Variants in FRMPD3 observed in about 807,000 individuals in gnomAD.
The protein encoded by FRMPD3 is FERM and PDZ domain containing 3.
A neutral mutation model predicts 97.9 loss-of-function variants in FRMPD3; 42 were observed. The observed-to-expected ratio is 0.43, with a 90% CI of 0.34 to 0.55. The LOEUF is 0.55. Ranked by LOEUF, FRMPD3 falls within the 20% of genes least tolerant of loss-of-function variation. The pLI is 0.03. For synonymous variants in FRMPD3, 577 were observed against 581.1 expected (o/e 0.99, Z 0.10); for missense variants, 1,303 against 1,457.7 (o/e 0.89, Z 1.73).
intron 13 of FRMPD3, among the ~76,000 whole-genome samples, chrX:107,595,679 T>C (rs1016602584): frequency 9.0e-6 from 1 of 111,202 alleles, no homozygotes; most frequent in African/African-American, 3.3e-5. Context: ...GGGTCACGCC[T>C]GTAATCCCTG....
intron 1 of FRMPD3, among the ~76,000 whole-genome samples, chrX:107,461,608 C>T (rs1383244772): frequency 9.0e-6 from 1 of 110,865 alleles, no homozygotes; most frequent in Non-Finnish European, 1.9e-5. Flanking sequence ...GATCCTTCAA[C>T]GCTGCTGCCA....
chrX:107,497,340 AAGG>A (rs1446651209), intron 1 of FRMPD3, among the ~76,000 whole-genome samples: 1 of 113,002 alleles, frequency 8.8e-6, no homozygotes, highest in Admixed American at 9.3e-5. Context: ...TTGTCCAAGT[AAGG>A]AGTTTTCATG....
chrX:107,494,929 AC>A (rs769193508), intron 1 of FRMPD3, among the ~76,000 whole-genome samples: 1 of 112,012 alleles, frequency 8.9e-6, no homozygotes, highest in Non-Finnish European at 1.9e-5. Context: ...AAAAGGAAGG[AC>A]TAGGGGGTTG....
At chrX:107,453,185 A>G (rs1449740857) in intron 1 of FRMPD3, among the ~76,000 whole-genome samples, 1 of 111,215 alleles carries the variant, frequency 9.0e-6, no homozygotes, top group Non-Finnish European at 1.9e-5. Context: ...GCCATAAGAC[A>G]CACATACATA....
intron 10 of FRMPD3, among the ~76,000 whole-genome samples, chrX:107,561,149 C>T (rs1922347262): frequency 9.0e-6 from 1 of 110,994 alleles, no homozygotes; most frequent in Non-Finnish European, 1.9e-5. Flanking sequence ...TAGTCAGTGC[C>T]GACTGAGCAT....
At chrX:107,569,740 G>C (rs1178911523) in intron 12 of FRMPD3, among the ~76,000 whole-genome samples, 1 of 112,562 alleles carries the variant, frequency 8.9e-6, no homozygotes, top group African/African-American at 3.2e-5. Context: ...CTGTGGGCTG[G>C]GTGCAGTGGC....
chrX:107,491,419 T>C (rs1921653015), intron 1 of FRMPD3, among the ~76,000 whole-genome samples: 1 of 112,374 alleles, frequency 8.9e-6, no homozygotes, highest in Admixed American at 9.4e-5. Flanking sequence ...ATAGATACTA[T>C]TCTTAGCCCT....
Position 107,459,491 on chromosome X carries a change from C to G in FRMPD3, c.-8+9486C>G, listed in dbSNP as rs1027753759. Among the ~76,000 whole-genome samples, 10 of 112,019 alleles carry G rather than the reference C, an allele frequency of 8.9e-5. No homozygotes were observed. In the South Asian group the frequency reaches 1.1e-3, roughly 13 times the overall value. On this transcript the variant is annotated intron_variant, in intron 1 of 14. Coordinates refer to ENST00000683843, the MANE Select transcript of FRMPD3 (RefSeq NM_001388459.1). ...GATGGGAGAGTCATGGCCAGGGCCT[C>G]TGCCTGCTAAATTGCCTCCCCCACC...
At chrX:107,477,872 C>T (rs1270187357) in intron 1 of FRMPD3, among the ~76,000 whole-genome samples, 2 of 111,457 alleles carry the variant, frequency 1.8e-5, no homozygotes, top group Non-Finnish European at 3.8e-5. Flanking sequence ...TTGCCCTCCA[C>T]CCCCTATTAT....
intron 12 of FRMPD3, among the ~76,000 whole-genome samples, chrX:107,566,019 C>G (rs1922588300): frequency 8.9e-6 from 1 of 112,544 alleles, no homozygotes; most frequent in Non-Finnish European, 1.9e-5. Flanking sequence ...TATTTCACCT[C>G]CCAGAGTCCA....
At chrX:107,557,834 TATATATAG>T (rs1461816132) in intron 8 of FRMPD3, among the ~76,000 whole-genome samples, 8 of 80,747 alleles carry the variant, frequency 9.9e-5, no homozygotes, top group East Asian at 4.0e-4. Context: ...TATATATATA[TATATATAG>T]ATCTATTCCT....
chrX:107,524,995 C>CAA (rs750900204), intron 1 of FRMPD3, among the ~76,000 whole-genome samples: 1,975 of 13,687 alleles, frequency 0.14, 517 homozygotes, highest in African/African-American at 0.29. Context: ...GACTCCATCT[C>CAA]AAAAAAAAAA....
At chrX:107,518,778 A>G (rs763356367) in intron 1 of FRMPD3, among the ~76,000 whole-genome samples, 141 of 112,319 alleles carry the variant, frequency 1.3e-3, no homozygotes, top group African/African-American at 4.3e-3. Flanking sequence ...AGATATTTGT[A>G]CACCCGTGTT....
chrX:107,467,977 T>C (rs1400365981), intron 1 of FRMPD3, among the ~76,000 whole-genome samples: 1 of 111,855 alleles, frequency 8.9e-6, no homozygotes, highest in Non-Finnish European at 1.9e-5. Flanking sequence ...GCTTCTCCAC[T>C]ACAAAGACTC....
intron 4 of FRMPD3, among the ~76,000 whole-genome samples, chrX:107,542,034 G>A (rs1921335338): frequency 8.9e-6 from 1 of 112,887 alleles, no homozygotes; most frequent in South Asian, 3.6e-4. Flanking sequence ...GCAGAGAAGA[G>A]AGGTGACTGT....
intron 7 of FRMPD3, 74 bp downstream of exon 7, chrX:107,553,000 G>A (rs1921929859): frequency 1.2e-5 from 13 of 1,043,074 alleles, no homozygotes; most frequent in Non-Finnish European, 1.5e-5. Flanking sequence ...TCCCTGTCTG[G>A]AAAATTTATA....
Position 107,576,508 on chromosome X carries a change from C to T in FRMPD3, c.1441+49C>T, listed in dbSNP as rs754460669. On this transcript the variant is annotated intron_variant, in intron 13 of 14. Coordinates refer to ENST00000683843, the MANE Select transcript of FRMPD3 (RefSeq NM_001388459.1). ...TTTGCTGTGCCAGAGGCCCTTTGGACCCTGAAGACATGGAGGGAAGAGCTT... is the reference window on the plus strand; with the variant it reads ...TTTGCTGTGCCAGAGGCCCTTTGGATCCTGAAGACATGGAGGGAAGAGCTT... 3 of 1,170,674 alleles carry T rather than the reference C, an allele frequency of 2.6e-6. No individual in the cohort carries two copies. In the African/African-American group the frequency reaches 5.3e-5, roughly 21 times the overall value.
intron 1 of FRMPD3, among the ~76,000 whole-genome samples, chrX:107,485,593 C>T (rs1186253698): frequency 8.9e-6 from 1 of 112,189 alleles, no homozygotes; most frequent in African/African-American, 3.2e-5. Flanking sequence ...AGTTCTAAAA[C>T]GGTGTAACAA....
intron 1 of FRMPD3, among the ~76,000 whole-genome samples, chrX:107,522,738 TATC>T (rs1297756396): frequency 7.1e-5 from 8 of 112,021 alleles, no homozygotes; most frequent in Admixed American, 2.8e-4. Context: ...AAAGTGTTGT[TATC>T]ATTAGGCAGA....
Sources: allele counts gnomAD v4.1 joint callset (sites outside exome capture counted in the v4.1 genomes callset), GRCh38; gene constraint gnomAD v4.1.1; transcripts MANE v1.5; gene names NCBI Gene and HGNC (gene_info 2026-07-23, HGNC 2026-07-21).